Variants in SECISBP2 observed in about 807,000 individuals in gnomAD.
The protein encoded by SECISBP2 is selenocysteine insertion sequence-binding protein 2.
In SECISBP2, 96 loss-of-function variants were observed where a neutral mutation model predicts 98.2. That is an observed-to-expected ratio of 0.98 (90% CI 0.83 to 1.16). The LOEUF (loss-of-function observed/expected upper bound fraction) is 1.16. Among genes scored for constraint, SECISBP2 ranks in the 50% most tolerant of loss-of-function variants. The pLI is 0.00. For missense variants in SECISBP2, 1,046 were observed against 1,022.9 expected, an observed-to-expected ratio of 1.02 and a Z score of -0.31; for synonymous variants, 407 against 370.2, an observed-to-expected ratio of 1.10 and a Z score of -1.14.
At chr9:89,355,852 A>G (rs1230772454) in intron 14 of SECISBP2, among the ~76,000 whole-genome samples, 4 of 152,192 alleles carry the variant, frequency 2.6e-5, no homozygotes, top group African/African-American at 9.6e-5. Context: ...TGTTCCTCAC[A>G]TGCTGTTTCC....
intron 6 of SECISBP2, chr9:89,334,251 T>C (rs971660759): frequency 1.7e-6 from 2 of 1,148,994 alleles, no homozygotes; most frequent in Non-Finnish European, 2.3e-6. Context: ...CTAAAACTAC[T>C]GTTTGTCTAC....
rs1432687813 is a variant in SECISBP2 at position 89,319,900 on chromosome 9, T to A, written c.182+103T>A. On this transcript the variant is annotated intron_variant, in intron 2 of 16. Coordinates refer to ENST00000375807, the MANE Select transcript of SECISBP2 (RefSeq NM_024077.5). Reference sequence around the variant, plus strand: ...AGTTACTGCACTAAAGTTCTGCAGATGATGAGAGAATGCTCTTCAACCAAG... The same window carrying A: ...AGTTACTGCACTAAAGTTCTGCAGAAGATGAGAGAATGCTCTTCAACCAAG... 3.3e-6 allele frequency: 4 copies of A among 1,215,524 alleles called. No homozygotes were observed. The African/African-American group carries it at 6.0e-5, about 18-fold the overall frequency. The allele number at this position is 1,215,524 out of a possible 1,614,324, so 75.3% of individuals were successfully genotyped here. A position where few individuals can be genotyped will look rare whatever the true frequency, so the allele number is the denominator to read the frequency against.
chr9:89,363,810 A>G (rs1833138504), downstream of SECISBP2: 2 of 1,614,054 alleles, frequency 1.2e-6, no homozygotes, highest in South Asian at 1.1e-5. Context: ...GAGCAGCGAT[A>G]CTCAGCGCTT....
chr9:89,323,612 A>G (rs1026797654), intron 2 of SECISBP2: 19 of 152,312 alleles, frequency 1.2e-4, no homozygotes, highest in African/African-American at 4.3e-4. Flanking sequence ...AATTACTCAG[A>G]CAGTTTGATT....
At position 89,355,200 on chromosome 9, in the gene SECISBP2, T is replaced by C. The variant is rs1414748983; in HGVS notation, c.2114-2211T>C. ...TGAAATGAGAGGATCGATATGTAAG[T>C]AGATTCCAGGTGATACTATGCTAAT... On this transcript the variant is annotated intron_variant, in intron 14 of 16. Transcript: ENST00000375807. 10 of 985,442 alleles carry C rather than the reference T, an allele frequency of 1.0e-5. No individual in the cohort carries two copies. In the Admixed American group the frequency reaches 1.8e-4, roughly 18 times the overall value. The allele number at this position is 985,442 out of a possible 1,614,324, so 61.0% of individuals were successfully genotyped here. A position where few individuals can be genotyped will look rare whatever the true frequency, so the allele number is the denominator to read the frequency against.
At chr9:89,328,975 G>C (rs1227796956) in intron 5 of SECISBP2, 89 bp downstream of exon 5, 1 of 1,091,454 alleles carries the variant, frequency 9.2e-7, no homozygotes, top group African/African-American at 1.6e-5. Context: ...CTTGCTGTGG[G>C]CTTTGATGTC....
intron 4 of SECISBP2, among the ~76,000 whole-genome samples, chr9:89,327,811 T>C (rs1477791997): frequency 4.1e-5 from 6 of 147,854 alleles, no homozygotes; most frequent in Admixed American, 2.7e-4. Context: ...TGTCGTTTTG[T>C]GTTTTTTTTT....
chr9:89,355,191 A>G, intron 14 of SECISBP2: 4 of 985,426 alleles, frequency 4.1e-6, no homozygotes, highest in Non-Finnish European at 4.8e-6. Flanking sequence ...GAGAGGATCG[A>G]TATGTAAGTA....
chr9:89,363,316 G>C (rs536323616), downstream of SECISBP2: 37 of 1,468,012 alleles, frequency 2.5e-5, no homozygotes, highest in African/African-American at 5.1e-4. Context: ...CCGGGGCTAA[G>C]AGGGAACAAG....
At chr9:89,355,566 C>T in intron 14 of SECISBP2, 1 of 983,096 alleles carries the variant, frequency 1.0e-6, no homozygotes, top group Non-Finnish European at 1.2e-6. Flanking sequence ...CCAAGTATTT[C>T]TTCTGGTTTG....
intron 5 of SECISBP2, among the ~76,000 whole-genome samples, chr9:89,330,730 G>A (rs1827603116): frequency 1.3e-5 from 2 of 152,188 alleles, no homozygotes; most frequent in Admixed American, 6.5e-5. Context: ...CTGCTCCAGG[G>A]GCTCCAGGCT....
At position 89,358,009 on chromosome 9, in the gene SECISBP2, A is replaced by G. The variant is rs1832358183; in HGVS notation, c.2279A>G (p.His760Arg). ...FSYDGAQDQF[H>R]KMVELTVAAR... ...TCACTTGTGCCCAAGGATCAGTTCC[A>G]CAAGATGGTTGAGCTGACAGTGGCG... The change falls in exon 16 of 17, where the codon CAC becomes CGC. Residue 760 changes from histidine to arginine, a missense_variant. By Grantham distance (29) the His-to-Arg change is conservative. Coordinates refer to ENST00000375807, the MANE Select transcript of SECISBP2 (RefSeq NM_024077.5). 6.2e-7 allele frequency: 1 copy of G among 1,613,096 alleles called. No individual in the cohort carries two copies. The highest frequency in any genetic ancestry group is 8.5e-7 in the Non-Finnish European group (1 of 1,179,988).
chr9:89,337,227 A>G (rs1828898545), intron 7 of SECISBP2, among the ~76,000 whole-genome samples: 1 of 152,244 alleles, frequency 6.6e-6, no homozygotes, highest in Non-Finnish European at 1.5e-5. Context: ...AGAAAAGCTT[A>G]TTTTAGAAAA....
intron 1 of SECISBP2, chr9:89,319,176 C>A: frequency 1.9e-6 from 1 of 517,854 alleles, no homozygotes; most frequent in Non-Finnish European, 2.5e-6. Context: ...TTTGGTATTT[C>A]AATAAAGCAA....
At chr9:89,319,090 A>G in intron 1 of SECISBP2, 4 of 980,134 alleles carry the variant, frequency 4.1e-6, no homozygotes, top group South Asian at 4.3e-5. Flanking sequence ...CTACGTCACT[A>G]AAAACTAAAG....
chr9:89,358,714 A>ATT lies in SECISBP2; in HGVS notation c.2462-4_2462-3dup. ...TATTCCTCACTCGTGCTGTTTTCTCATTTTAGTTGAAATCTGGAAAAAACA... is the reference window on the plus strand; with the variant it reads ...TATTCCTCACTCGTGCTGTTTTCTCATTTTTTAGTTGAAATCTGGAAAAAACA... On this transcript the variant is annotated splice_region_variant and splice_polypyrimidine_tract_variant and intron_variant, in intron 16 of 16. Transcript: ENST00000375807. 6.3e-7 allele frequency: 1 copy of ATT among 1,597,334 alleles called. No homozygotes were observed.
chr9:89,337,401 C>G (rs919916163), intron 7 of SECISBP2, among the ~76,000 whole-genome samples: 1 of 152,118 alleles, frequency 6.6e-6, no homozygotes, highest in Non-Finnish European at 1.5e-5. Context: ...CTTCAGTGAT[C>G]TACTTATGGA....
Position 89,357,513 on chromosome 9 carries a change from A to C in SECISBP2, c.2216A>C (p.Asn739Thr). 1 of 1,614,202 alleles carries C rather than the reference A, an allele frequency of 6.2e-7. No individual in the cohort carries two copies. Among genetic ancestry groups the C allele is most frequent in the Non-Finnish European group, 8.5e-7 (1 of 1,180,038 alleles). ...LNRKALGRSL[N>T]KAVPVSVVGI... ...CGCAAAGCTCTGGGGCGCAGTTTGA[A>C]TAAGGCAGTTCCTGTCAGTGTGGTG... The change falls in exon 15 of 17, where the codon AAT becomes ACT. Residue 739 changes from asparagine (N) to threonine (T), a missense_variant. Transcript: ENST00000375807.
At chr9:89,327,624 T>C (rs540097056) in intron 4 of SECISBP2, among the ~76,000 whole-genome samples, 1 of 152,158 alleles carries the variant, frequency 6.6e-6, no homozygotes, top group Middle Eastern at 3.2e-3. Context: ...AGCCTAGGCC[T>C]GTACAGGGTC....
Sources: gnomAD v4.1 joint callset for allele counts (sites outside exome capture counted in the v4.1 genomes callset) on GRCh38, gnomAD v4.1.1 for gene constraint, MANE v1.5 for transcripts, NCBI Gene and HGNC (gene_info 2026-07-23, HGNC 2026-07-21) for gene names.